GALNT17: variants seen among roughly 807,000 people sequenced by gnomAD.
GALNT17 encodes the protein polypeptide N-acetylgalactosaminyltransferase 17.
In GALNT17, 29 loss-of-function variants were observed where a neutral mutation model predicts 63.7. The observed-to-expected ratio is 0.46, with a 90% confidence interval of 0.34 to 0.62. The LOEUF is 0.62. Ranked by LOEUF, GALNT17 falls within the 20% of genes least tolerant of loss-of-function variation. The pLI is 0.01. For missense variants in GALNT17, 603 were observed against 799.6 expected (o/e 0.75, Z 2.97); for synonymous variants, 305 against 318.3 (o/e 0.96, Z 0.45).
At chr7:71,186,337 TG>T (rs1788850730) in intron 1 of GALNT17, among the ~76,000 whole-genome samples, 1 of 152,208 alleles carries the variant, frequency 6.6e-6, no homozygotes, top group African/African-American at 2.4e-5. Flanking sequence ...GGCCAGTTTA[TG>T]GGGGTTTGGA....
intron 2 of GALNT17, among the ~76,000 whole-genome samples, chr7:71,359,259 G>T (rs1184206120): frequency 1.3e-5 from 2 of 152,200 alleles, no homozygotes; most frequent in Admixed American, 1.3e-4. Flanking sequence ...ATTTGCTCAG[G>T]TTCTGTCGAA....
At position 71,609,889 on chromosome 7, in the gene GALNT17, G is replaced by A. The variant is rs112063653; in HGVS notation, c.1080+38487G>A. Among the ~76,000 whole-genome samples the A allele has an allele frequency of 5.9e-3, 896 of 152,162 alleles. 7 individuals carry two copies. Among genetic ancestry groups the A allele is most frequent in the African/African-American group, 0.02 (831 of 41,522 alleles). On this transcript the variant is annotated intron_variant, in intron 6 of 10. Coordinates refer to ENST00000333538, the MANE Select transcript of GALNT17 (RefSeq NM_022479.3). The stretch of plus-strand genomic sequence containing the variant: ...GAGAAAGAATTTATATAGCTGATGT[G>A]AAAAGTATAATTAGGCTCAATCGAT...
At chr7:71,532,333 ACTT>A (rs1788734367) in intron 5 of GALNT17, among the ~76,000 whole-genome samples, 1 of 152,120 alleles carries the variant, frequency 6.6e-6, no homozygotes. Context: ...GTGTTTGGGG[ACTT>A]CTTGCCCCAG....
chr7:71,322,001 G>A (rs910388634), intron 1 of GALNT17, among the ~76,000 whole-genome samples: 8 of 80,558 alleles, frequency 9.9e-5, no homozygotes, highest in African/African-American at 3.9e-4. Flanking sequence ...ACCCAGGCTG[G>A]AGTACAGTGG....
intron 1 of GALNT17, among the ~76,000 whole-genome samples, chr7:71,286,564 T>C (rs556036462): frequency 1.3e-4 from 19 of 147,870 alleles, no homozygotes; most frequent in African/African-American, 5.1e-4. Flanking sequence ...TCCATCTGCC[T>C]CTCAGGAGGA....
chr7:71,208,502 G>A, intron 1 of GALNT17, among the ~76,000 whole-genome samples: 1 of 140,270 alleles, frequency 7.1e-6, no homozygotes. Context: ...CCAGGCTGGT[G>A]TGCAGTGGTG....
At chr7:71,532,446 T>C (rs62459927) in intron 5 of GALNT17, among the ~76,000 whole-genome samples, 39,874 of 152,008 alleles carry the variant, frequency 0.26, 5,492 homozygotes, top group Admixed American at 0.31. Flanking sequence ...TAAAGTACCA[T>C]ATGTCTAAAT....
chr7:71,309,912 G>A (rs916690184), intron 1 of GALNT17, among the ~76,000 whole-genome samples: 4 of 152,282 alleles, frequency 2.6e-5, no homozygotes, highest in East Asian at 1.9e-4. Flanking sequence ...GAATTCCCAC[G>A]TGTTGTGGGA....
At chr7:71,701,715 TGTG>T (rs1028239617) in intron 9 of GALNT17, among the ~76,000 whole-genome samples, 3 of 143,600 alleles carry the variant, frequency 2.1e-5, no homozygotes, top group South Asian at 2.2e-4. Flanking sequence ...ATAAAGAAAA[TGTG>T]GTGTATGTAT....
intron 5 of GALNT17, among the ~76,000 whole-genome samples, chr7:71,553,971 C>G (rs1789122686): frequency 6.6e-6 from 1 of 152,202 alleles, no homozygotes; most frequent in Admixed American, 6.6e-5. Flanking sequence ...CTGCGCCTGT[C>G]TTCTGGGACC....
At chr7:71,413,825 T>C (rs971451478) in intron 3 of GALNT17, among the ~76,000 whole-genome samples, 2 of 152,050 alleles carry the variant, frequency 1.3e-5, no homozygotes, top group African/African-American at 4.8e-5. Context: ...TCTTAAACCC[T>C]GATCATTGGA....
At chr7:71,255,201 C>T (rs984358327) in intron 1 of GALNT17, among the ~76,000 whole-genome samples, 5 of 152,216 alleles carry the variant, frequency 3.3e-5, no homozygotes, top group African/African-American at 9.6e-5. Context: ...CCACAATTCC[C>T]ACATGTCTTG....
intron 2 of GALNT17, among the ~76,000 whole-genome samples, chr7:71,354,331 C>T (rs186282070): frequency 2.8e-3 from 423 of 152,246 alleles, no homozygotes; most frequent in Admixed American, 5.4e-3. Context: ...TCTAGTGTTT[C>T]TCATTAAGTA....
At chr7:71,232,414 G>A (rs1789807683) in intron 1 of GALNT17, among the ~76,000 whole-genome samples, 1 of 152,108 alleles carries the variant, frequency 6.6e-6, no homozygotes, top group African/African-American at 2.4e-5. Flanking sequence ...CCATTCCAGG[G>A]TTACTTGTAT....
intron 6 of GALNT17, among the ~76,000 whole-genome samples, chr7:71,578,030 T>TTTATTTA (rs1554311565): frequency 8.4e-6 from 1 of 119,408 alleles, no homozygotes; most frequent in African/African-American, 4.6e-5. Flanking sequence ...TATTTATTTA[T>TTTATTTA]TTATTTATTT....
intron 6 of GALNT17, among the ~76,000 whole-genome samples, chr7:71,662,324 A>ATCTATCTATCTG (rs1790919844): frequency 6.6e-6 from 1 of 150,712 alleles, no homozygotes; most frequent in African/African-American, 2.4e-5. Context: ...CTGTTTATCT[A>ATCTATCTATCTG]TCTATCTATC....
In GALNT17 at chr7:71,429,809, C is replaced by T. The variant is rs149013748; in HGVS notation, c.962+8704C>T. On this transcript the variant is annotated intron_variant, in intron 5 of 10. Transcript: ENST00000333538. ...GCAATCTCCACCTCCTGGGTTCAAGCGATTCTCCTACTGCAGCCTCCCAAG... is the reference window on the plus strand; with the variant it reads ...GCAATCTCCACCTCCTGGGTTCAAGTGATTCTCCTACTGCAGCCTCCCAAG... Among the ~76,000 whole-genome samples, 1,274 of 152,276 alleles carry T rather than the reference C, an allele frequency of 8.4e-3. 16 individuals carry two copies. Among genetic ancestry groups the T allele is most frequent in the African/African-American group, 0.029 (1,220 of 41,558 alleles).
At position 71,335,651 on chromosome 7, in the gene GALNT17, C is replaced by G; in HGVS notation, c.340C>G (p.Pro114Ala). ...GGCTGAAGAAGAAAAGGCTAAGGGA[C>G]CCCATGAGAAGTATGGCTACAATTC... ...SPAEEEKAKG[P>A]HEKYGYNSYL... The change falls in exon 2 of 11, where the codon CCC becomes GCC. Residue 114 changes from proline (P) to alanine (A), a missense_variant. Around this residue, in one of 3 missense-constraint regions of GALNT17, gnomAD observed 195 missense variants for 215.0 expected, o/e 0.91. Coordinates refer to ENST00000333538, the MANE Select transcript of GALNT17 (RefSeq NM_022479.3). 1 of 1,613,594 alleles carries G rather than the reference C, an allele frequency of 6.2e-7. No homozygotes were observed. The highest frequency in any genetic ancestry group is 1.7e-4 in the Middle Eastern group (1 of 6,060).
chr7:71,197,347 C>T (rs943884224), intron 1 of GALNT17, among the ~76,000 whole-genome samples: 1 of 150,564 alleles, frequency 6.6e-6, no homozygotes, highest in Non-Finnish European at 1.5e-5. Flanking sequence ...CTACAGGCAC[C>T]TGCCACCACG....
Sources: gnomAD v4.1 joint callset for allele counts (sites outside exome capture counted in the v4.1 genomes callset) on GRCh38, gnomAD v4.1.1 for gene constraint, gnomAD v4.1.1 regional missense constraint, MANE v1.5 for transcripts, NCBI Gene and HGNC (gene_info 2026-07-23, HGNC 2026-07-21) for gene names.